MTCH2: variants seen among roughly 807,000 people sequenced by gnomAD.
MTCH2 encodes mitochondrial carrier homolog 2.
Under a neutral mutation model 50.6 loss-of-function variants are expected in MTCH2, and 25 were observed. That is an observed-to-expected ratio of 0.49 (90% CI 0.36 to 0.69). The LOEUF (loss-of-function observed/expected upper bound fraction) is 0.69. MTCH2 is among the 30% of genes least tolerant of loss of function. The pLI is 0.00. For synonymous variants in MTCH2, 106 were observed against 132.0 expected (o/e 0.80, Z 1.35); for missense variants, 273 against 384.4 (o/e 0.71, Z 2.42).
the MTCH2 span, among the ~76,000 whole-genome samples, chr11:47,610,312 ATTGTCTATAC>A: frequency 6.6e-6 from 1 of 152,166 alleles, no homozygotes; most frequent in Non-Finnish European, 1.5e-5. Flanking sequence ...TGCCCATATT[ATTGTCTATAC>A]TTGGAAAGTA....
At chr11:47,642,280 G>A in intron 1 of MTCH2, 99 bp downstream of exon 1, 1 of 1,030,684 alleles carries the variant, frequency 9.7e-7, no homozygotes, top group Admixed American at 2.7e-5. Context: ...CATCTCGGGA[G>A]AATGAAAGGC....
chr11:47,626,175 T>C (rs1196632951), intron 10 of MTCH2, among the ~76,000 whole-genome samples: 1 of 152,026 alleles, frequency 6.6e-6, no homozygotes, highest in Non-Finnish European at 1.5e-5. Context: ...GCCTCCCAAG[T>C]AGCTGGGATT....
intron 11 of MTCH2, among the ~76,000 whole-genome samples, chr11:47,624,798 T>TA (rs1221156340): frequency 6.6e-6 from 1 of 151,918 alleles, no homozygotes; most frequent in Non-Finnish European, 1.5e-5. Context: ...TAAAAATAAA[T>TA]AAAAATAGGC....
the MTCH2 span, among the ~76,000 whole-genome samples, chr11:47,604,500 T>G: frequency 6.6e-6 from 1 of 152,194 alleles, no homozygotes; most frequent in Non-Finnish European, 1.5e-5. Context: ...CTTGAAGAGA[T>G]GTTTTTCAGA....
chr11:47,625,660 T>TA lies in MTCH2; in HGVS notation c.749+13dup, dbSNP rs756016633. The TA allele has an allele frequency of 8.1e-7, 1 of 1,238,572 alleles. No individual in the cohort carries two copies. The highest frequency in any genetic ancestry group is 2.6e-5 in the South Asian group (1 of 37,918). The allele number at this position is 1,238,572 out of a possible 1,614,324, so 76.7% of individuals were successfully genotyped here. On this transcript the variant is annotated intron_variant, in intron 11 of 12. Coordinates refer to ENST00000302503, the MANE Select transcript of MTCH2 (RefSeq NM_014342.4). ...GTCAACCACCTACTAGAATAAGAAATACAAAGTGCTTACCCACAGTTGTTG... is the reference window on the plus strand; with the variant it reads ...GTCAACCACCTACTAGAATAAGAAATAACAAAGTGCTTACCCACAGTTGTTG...
chr11:47,609,151 A>G, the MTCH2 span, among the ~76,000 whole-genome samples: 12 of 149,322 alleles, frequency 8.0e-5, no homozygotes, highest in Admixed American at 8.0e-4. Context: ...AAAAAAGAAA[A>G]AAGAAAAAAA....
the MTCH2 span, among the ~76,000 whole-genome samples, chr11:47,610,179 G>A: frequency 2.0e-5 from 3 of 152,170 alleles, no homozygotes; most frequent in Non-Finnish European, 4.4e-5. Flanking sequence ...TCTACCATGT[G>A]CCAGTCCCTG....
chr11:47,630,413 T>C, intron 8 of MTCH2, 142 bp downstream of exon 8: 1 of 695,214 alleles, frequency 1.4e-6, no homozygotes, highest in South Asian at 2.0e-5. Context: ...GAAAAAAAAA[T>C]AAGGGGCCTA....
chr11:47,642,550 C>G lies in MTCH2; in HGVS notation c.-85G>C, dbSNP rs2097315442. The G allele has an allele frequency of 4.7e-6, 6 of 1,263,604 alleles. No individual in the cohort carries two copies. The Admixed American group carries it at 1.1e-4, about 24-fold the overall frequency. The allele number at this position is 1,263,604 out of a possible 1,614,324, so 78.3% of individuals were successfully genotyped here. Reference sequence around the variant, plus strand: ...GTCCTAGGTCACGTGCCAGGGCCGCCGGTTTCACTGGCCCGCCCGCGGCGC... The same window carrying G: ...GTCCTAGGTCACGTGCCAGGGCCGCGGGTTTCACTGGCCCGCCCGCGGCGC... On this transcript the variant is annotated 5_prime_UTR_variant, in exon 1 of 13. Coordinates refer to ENST00000302503, the MANE Select transcript of MTCH2 (RefSeq NM_014342.4).
At chr11:47,605,785 C>G in the MTCH2 span, among the ~76,000 whole-genome samples, 18 of 152,204 alleles carry the variant, frequency 1.2e-4, no homozygotes, top group Non-Finnish European at 2.5e-4. Flanking sequence ...TAACTGGAAA[C>G]AAGGAACACT....
the MTCH2 span, among the ~76,000 whole-genome samples, chr11:47,606,628 A>G: frequency 1.3e-5 from 2 of 152,196 alleles, no homozygotes; most frequent in South Asian, 4.1e-4. Context: ...ACTTAGAATC[A>G]TAACTTTTTT....
chr11:47,609,182 C>T, the MTCH2 span, among the ~76,000 whole-genome samples: 3 of 149,094 alleles, frequency 2.0e-5, no homozygotes, highest in East Asian at 2.0e-4. Flanking sequence ...AGCCCGGGCG[C>T]GGTGGCTCAC....
At chr11:47,612,283 G>C in the MTCH2 span, among the ~76,000 whole-genome samples, 1 of 151,982 alleles carries the variant, frequency 6.6e-6, no homozygotes, top group African/African-American at 2.4e-5. Context: ...AGCCAGATGT[G>C]TGGGCCGGGC....
rs545739115 is a variant in MTCH2, at chr11:47,630,933, T to C, written c.479+103A>G. 4.0e-6 allele frequency: 4 copies of C among 993,688 alleles called. No individual in the cohort carries two copies. The African/African-American group carries it at 6.5e-5, about 16-fold the overall frequency. 61.6% of individuals were successfully genotyped at this position (993,688 alleles called of 1,614,324 possible). On this transcript the variant is annotated intron_variant, in intron 7 of 12. Coordinates refer to ENST00000302503, the MANE Select transcript of MTCH2 (RefSeq NM_014342.4). ...GATCAAATGACATCAGATACGAATT[T>C]GTTCTACAAATTGTAAGGGTATCAT...
the MTCH2 span, among the ~76,000 whole-genome samples, chr11:47,609,366 G>A: frequency 3.3e-5 from 5 of 149,950 alleles, no homozygotes; most frequent in Non-Finnish European, 4.4e-5. Context: ...GCTGAGGCAG[G>A]AGAATTGCTT....
chr11:47,610,511 C>T, the MTCH2 span, among the ~76,000 whole-genome samples: 2 of 152,054 alleles, frequency 1.3e-5, no homozygotes, highest in Non-Finnish European at 2.9e-5. Context: ...TTGAGACCAG[C>T]CTGGGTAACA....
chr11:47,609,749 C>T, the MTCH2 span, among the ~76,000 whole-genome samples: 40 of 151,994 alleles, frequency 2.6e-4, no homozygotes, highest in African/African-American at 9.4e-4. Flanking sequence ...TCATGGCCAT[C>T]CTCTGTACCC....
intron 9 of MTCH2, among the ~76,000 whole-genome samples, chr11:47,628,009 A>G (rs2097299616): frequency 6.6e-6 from 1 of 152,196 alleles, no homozygotes; most frequent in Non-Finnish European, 1.5e-5. Context: ...CATTTATAGT[A>G]TATCTAAGGG....
At chr11:47,631,832 C>A in intron 5 of MTCH2, 121 bp from the exon 6 acceptor site, 1 of 966,258 alleles carries the variant, frequency 1.0e-6, no homozygotes, top group East Asian at 2.5e-5. Context: ...GCCCTCCTGC[C>A]CTGGCTGGAG....
Sources: allele counts gnomAD v4.1 joint callset (sites outside exome capture counted in the v4.1 genomes callset), GRCh38; gene constraint gnomAD v4.1.1; transcripts MANE v1.5; gene names NCBI Gene and HGNC (gene_info 2026-07-23, HGNC 2026-07-21).